The following ITGB8 variants were observed in gnomAD, a reference collection of about 807,000 sequenced individuals.
ITGB8 encodes the protein integrin beta-8.
ITGB8 carries 30 observed loss-of-function variants against 89.5 expected under a neutral mutation model. The ratio of observed to expected loss-of-function variants is 0.34; its 90% confidence interval spans 0.25 to 0.45. ITGB8 has a LOEUF of 0.45. Ranked by LOEUF, ITGB8 falls within the 20% of genes least tolerant of loss-of-function variation. The pLI, the probability that ITGB8 is intolerant of heterozygous loss-of-function variation, is 1.00. For missense variants in ITGB8, 836 were observed against 933.3 expected (o/e 0.90, Z 1.36); for synonymous variants, 335 against 320.4 (o/e 1.05, Z -0.49).
chr7:20,383,521 G>A (rs1348736066), intron 6 of ITGB8, among the ~76,000 whole-genome samples: 1 of 152,146 alleles, frequency 6.6e-6, no homozygotes, highest in Non-Finnish European at 1.5e-5. Flanking sequence ...GAGACAAAGA[G>A]AAGGTTTTTA....
intron 1 of ITGB8, among the ~76,000 whole-genome samples, chr7:20,345,903 G>A (rs1174333240): frequency 6.6e-6 from 1 of 152,204 alleles, no homozygotes; most frequent in African/African-American, 2.4e-5. Flanking sequence ...GATGATGTGT[G>A]TATATACAAA....
At chr7:20,392,988 TATTA>T (rs796718742) in intron 7 of ITGB8, among the ~76,000 whole-genome samples, 9 of 152,332 alleles carry the variant, frequency 5.9e-5, no homozygotes, top group African/African-American at 2.2e-4. Context: ...TGTAAATACT[TATTA>T]ATCTAATCCT....
chr7:20,331,981 T>A (rs1452272954), intron 1 of ITGB8, 48 bp downstream of exon 1: 1 of 1,594,196 alleles, frequency 6.3e-7, no homozygotes, highest in Non-Finnish European at 8.5e-7. Flanking sequence ...CCAAAGGTCT[T>A]GGGCTGGCAC....
chr7:20,370,264 A>G (rs553443209), intron 3 of ITGB8, among the ~76,000 whole-genome samples: 1 of 151,718 alleles, frequency 6.6e-6, no homozygotes, highest in South Asian at 2.1e-4. Context: ...CCATAATTAT[A>G]GAAAAAAATT....
chr7:20,359,303 G>A (rs918078204), intron 1 of ITGB8, among the ~76,000 whole-genome samples: 1 of 151,818 alleles, frequency 6.6e-6, no homozygotes, highest in Non-Finnish European at 1.5e-5. Context: ...TTTCCATTGG[G>A]ATCAATAAAA....
intron 1 of ITGB8, among the ~76,000 whole-genome samples, chr7:20,354,494 C>T (rs931008752): frequency 5.3e-5 from 8 of 152,100 alleles, no homozygotes; most frequent in East Asian, 1.9e-4. Context: ...GAAAACAGGA[C>T]GAAGTAAGAT....
chr7:20,387,117 G>A (rs949349576), intron 6 of ITGB8, among the ~76,000 whole-genome samples: 3 of 152,184 alleles, frequency 2.0e-5, no homozygotes, highest in Admixed American at 1.3e-4. Context: ...GTTAAAAACT[G>A]TCTTTTCTTG....
chr7:20,396,433 A>T (rs1583533166), intron 8 of ITGB8, among the ~76,000 whole-genome samples: 1 of 114,380 alleles, frequency 8.7e-6, no homozygotes, highest in South Asian at 2.7e-4. Flanking sequence ...ACTCCATCTC[A>T]AAAAAAAAAA....
chr7:20,354,807 G>A (rs1281545826), intron 1 of ITGB8, among the ~76,000 whole-genome samples: 2 of 152,138 alleles, frequency 1.3e-5, no homozygotes, highest in African/African-American at 4.8e-5. Context: ...AATCATCATC[G>A]TTAGTTATGC....
At chr7:20,376,787 A>G (rs549599884) in intron 3 of ITGB8, among the ~76,000 whole-genome samples, 1 of 152,294 alleles carries the variant, frequency 6.6e-6, no homozygotes, top group African/African-American at 2.4e-5. Flanking sequence ...AATATCAATT[A>G]TTATTCTTGC....
intron 1 of ITGB8, among the ~76,000 whole-genome samples, chr7:20,334,139 T>C (rs1470504543): frequency 6.6e-6 from 1 of 152,096 alleles, no homozygotes; most frequent in Non-Finnish European, 1.5e-5. Context: ...AACAAATATA[T>C]AGTGAGCAGT....
intron 1 of ITGB8, among the ~76,000 whole-genome samples, chr7:20,348,373 C>T (rs1305531874): frequency 6.6e-6 from 1 of 152,212 alleles, no homozygotes; most frequent in Non-Finnish European, 1.5e-5. Context: ...TGCATCACCC[C>T]ATTTGTGCCT....
intron 1 of ITGB8, 59 bp downstream of exon 1, chr7:20,331,992 G>T: frequency 1.9e-6 from 3 of 1,578,570 alleles, no homozygotes; most frequent in Non-Finnish European, 2.6e-6. Context: ...GGGCTGGCAC[G>T]AAGAGCTGCC....
intron 3 of ITGB8, among the ~76,000 whole-genome samples, chr7:20,373,838 T>C (rs1786028563): frequency 6.6e-6 from 1 of 152,234 alleles, no homozygotes; most frequent in Non-Finnish European, 1.5e-5. Context: ...TTTTTTTACT[T>C]ATCTTTTCCT....
At chr7:20,330,707 CG>C (rs1562642519), upstream of ITGB8, 1 of 152,206 alleles carries the variant, frequency 6.6e-6, no homozygotes, top group Non-Finnish European at 1.5e-5. Flanking sequence ...TGCTCCTGCC[CG>C]GGCTGCAGCC....
chr7:20,389,962 T>C (rs1786787807), intron 6 of ITGB8, among the ~76,000 whole-genome samples: 1 of 152,176 alleles, frequency 6.6e-6, no homozygotes, highest in Admixed American at 6.5e-5. Flanking sequence ...ATATCATGTG[T>C]AAAGGCAACT....
At chr7:20,366,764 C>T (rs553131816) in intron 2 of ITGB8, 12 of 372,814 alleles carry the variant, frequency 3.2e-5, no homozygotes, top group South Asian at 2.8e-4. Context: ...ACTCTGTCTC[C>T]GACACAGAAA....
At chr7:20,393,860 A>G (rs1786963547) in intron 7 of ITGB8, among the ~76,000 whole-genome samples, 1 of 152,170 alleles carries the variant, frequency 6.6e-6, no homozygotes, top group African/African-American at 2.4e-5. Flanking sequence ...AACCTTCCCC[A>G]GCTCTCAAAT....
Position 20,411,553 on chromosome 7 carries a change from G to A in ITGB8, c.*1556G>A, listed in dbSNP as rs780923686. The A allele has an allele frequency of 2.6e-5, 4 of 152,564 alleles. No individual in the cohort carries two copies. The highest frequency in any genetic ancestry group is 2.1e-4 in the South Asian group (1 of 4,820). 9.5% of individuals were successfully genotyped at this position (152,564 alleles called of 1,614,324 possible). A position where few individuals can be genotyped will look rare whatever the true frequency, so the allele number is the denominator to read the frequency against. ...GTGATAAAGTGGCCACATTGGAAAG[G>A]AGTTTTTATCTTCTCATTGTCAGGC... On this transcript the variant is annotated 3_prime_UTR_variant, in exon 14 of 14. Transcript: ENST00000222573.
Sources: gnomAD v4.1 joint callset for allele counts (sites outside exome capture counted in the v4.1 genomes callset) on GRCh38, gnomAD v4.1.1 for gene constraint, MANE v1.5 for transcripts, NCBI Gene and HGNC (gene_info 2026-07-23, HGNC 2026-07-21) for gene names.